TEX9: variants seen among roughly 807,000 people sequenced by gnomAD.
The protein encoded by TEX9 is testis expressed 9.
In TEX9, 74 loss-of-function variants were observed where a neutral mutation model predicts 59.6. That is an observed-to-expected ratio of 1.24 (90% CI 1.03 to 1.51). The LOEUF (loss-of-function observed/expected upper bound fraction) is 1.51, where lower values mean the gene tolerates loss of function less well. TEX9 is among the 40% of genes most tolerant of loss of function. The pLI is 0.00. For missense variants in TEX9, 522 were observed against 447.8 expected, an observed-to-expected ratio of 1.17 and a Z score of -1.49; for synonymous variants, 186 against 152.2, an observed-to-expected ratio of 1.22 and a Z score of -1.64.
chr15:56,302,208 C>G (rs993210184), intron 1 of TEX9, among the ~76,000 whole-genome samples: 1 of 152,092 alleles, frequency 6.6e-6, no homozygotes, highest in African/African-American at 2.4e-5. Context: ...CTCCAACAGT[C>G]TGGGCACAGT....
intron 3 of TEX9, among the ~76,000 whole-genome samples, chr15:56,376,013 T>C (rs749808899): frequency 2.0e-5 from 3 of 147,460 alleles, no homozygotes; most frequent in African/African-American, 7.5e-5. Flanking sequence ...TAGGTGGGAA[T>C]TGAACGATGA....
chr15:56,347,318 G>C (rs2682028), intron 1 of TEX9, among the ~76,000 whole-genome samples: 4,810 of 152,178 alleles, frequency 0.032, 188 homozygotes, highest in East Asian at 0.095. Context: ...AGTCTACTCA[G>C]TTTCAAAACT....
chr15:56,251,348 G>A (rs2718930), intron 1 of TEX9, among the ~76,000 whole-genome samples: 48,706 of 151,950 alleles, frequency 0.32, 9,348 homozygotes, highest in East Asian at 0.54. Context: ...GCCTGGCTCT[G>A]TTGATGTAAG....
intron 1 of TEX9, among the ~76,000 whole-genome samples, chr15:56,268,882 A>G (rs2044455094): frequency 6.6e-6 from 1 of 152,090 alleles, no homozygotes; most frequent in Non-Finnish European, 1.5e-5. Flanking sequence ...ATTGATTGGA[A>G]TATATTCAGA....
exon 13 of TEX9, chr15:56,445,753 A>C (rs1394044678): frequency 6.6e-6 from 1 of 152,020 alleles, no homozygotes; most frequent in Non-Finnish European, 1.5e-5. Flanking sequence ...TTCGACTTTC[A>C]TTTTGTGGAT....
intron 1 of TEX9, among the ~76,000 whole-genome samples, chr15:56,349,547 T>C (rs1232725251): frequency 6.6e-6 from 1 of 152,160 alleles, no homozygotes; most frequent in African/African-American, 2.4e-5. Flanking sequence ...TTGTACCAAA[T>C]GCAGCGTTCC....
rs1459605606 is a variant in TEX9, at chr15:56,388,534, C to T, written c.312+14C>T. The T allele has an allele frequency of 1.2e-6, 2 of 1,607,608 alleles. No homozygotes were observed. Among genetic ancestry groups the T allele is most frequent in the Non-Finnish European group, 1.7e-6 (2 of 1,175,140 alleles). ...TCAGAAACTAAGGTATGAAATCAAA[C>T]TTTCTGTGAATGCAATTATATTCTG... On this transcript the variant is annotated intron_variant, in intron 5 of 12. Coordinates refer to ENST00000352903, the Ensembl canonical transcript of TEX9.
chr15:56,329,394 C>T (rs146236329), intron 1 of TEX9, among the ~76,000 whole-genome samples: 1 of 152,236 alleles, frequency 6.6e-6, no homozygotes, highest in East Asian at 1.9e-4. Context: ...CATCAACAAA[C>T]ATCAAGACCA....
chr15:56,315,324 G>A (rs2045728508), intron 1 of TEX9, among the ~76,000 whole-genome samples: 1 of 144,596 alleles, frequency 6.9e-6, no homozygotes, highest in Admixed American at 7.2e-5. Flanking sequence ...CTTCCTTCAG[G>A]AGCTCTTGTA....
At chr15:56,452,203 G>A in the TEX9 span, among the ~76,000 whole-genome samples, 6 of 152,072 alleles carry the variant, frequency 3.9e-5, no homozygotes, top group Non-Finnish European at 5.9e-5. Context: ...TTATACTCAC[G>A]GCTATGACTT....
upstream of TEX9, among the ~76,000 whole-genome samples, chr15:56,364,320 A>ATT (rs77946095): frequency 8.4e-4 from 121 of 144,618 alleles, no homozygotes; most frequent in African/African-American, 2.9e-3. Flanking sequence ...CACCCGGCTA[A>ATT]TTTTTTTTTT....
chr15:56,328,556 T>C (rs1460327195), intron 1 of TEX9, among the ~76,000 whole-genome samples: 1 of 152,176 alleles, frequency 6.6e-6, no homozygotes, highest in Non-Finnish European at 1.5e-5. Flanking sequence ...CCCACTCACC[T>C]GAAGGGCAAG....
chr15:56,387,934 T>C (rs1475591773), intron 4 of TEX9, among the ~76,000 whole-genome samples: 1 of 151,994 alleles, frequency 6.6e-6, no homozygotes, highest in African/African-American at 2.4e-5. Context: ...AATTGCATTT[T>C]ACGTGTATTT....
chr15:56,423,524 T>C (rs1183470505), intron 10 of TEX9, among the ~76,000 whole-genome samples: 1 of 152,130 alleles, frequency 6.6e-6, no homozygotes, highest in Non-Finnish European at 1.5e-5. Flanking sequence ...TAACATCTTA[T>C]TGAGATACAA....
downstream of TEX9, among the ~76,000 whole-genome samples, chr15:56,447,883 C>A (rs1239383520): frequency 6.6e-6 from 1 of 152,166 alleles, no homozygotes; most frequent in Non-Finnish European, 1.5e-5. Context: ...TTCTAGAATT[C>A]ATATAAATGG....
At chr15:56,436,430 C>G (rs2140337044) in intron 12 of TEX9, among the ~76,000 whole-genome samples, 1 of 152,198 alleles carries the variant, frequency 6.6e-6, no homozygotes, top group South Asian at 2.1e-4. Context: ...CACAACATAC[C>G]AGAATCTCTG....
intron 1 of TEX9, among the ~76,000 whole-genome samples, chr15:56,311,556 G>C (rs2045617227): frequency 3.7e-5 from 5 of 134,012 alleles, no homozygotes; most frequent in African/African-American, 1.4e-4. Context: ...TTGGACATTT[G>C]GGTTGGTTCC....
At chr15:56,438,809 C>A (rs570087616) in intron 12 of TEX9, among the ~76,000 whole-genome samples, 1 of 152,200 alleles carries the variant, frequency 6.6e-6, no homozygotes, top group Admixed American at 6.6e-5. Context: ...AATCAAACAA[C>A]CCCATCAAAA....
intron 12 of TEX9, among the ~76,000 whole-genome samples, chr15:56,435,466 A>C (rs1360662988): frequency 6.6e-6 from 1 of 152,068 alleles, no homozygotes; most frequent in Admixed American, 6.6e-5. Context: ...ACAAATAACT[A>C]ATATCAGGAA....
Sources: allele counts gnomAD v4.1 joint callset (sites outside exome capture counted in the v4.1 genomes callset), GRCh38; gene constraint gnomAD v4.1.1; transcripts MANE v1.5; gene names NCBI Gene and HGNC (gene_info 2026-07-23, HGNC 2026-07-21).